The following NCALD variants were observed in gnomAD, a reference collection of about 807,000 sequenced individuals.
The protein encoded by NCALD is neurocalcin-delta.
In NCALD, 10 loss-of-function variants were observed where a neutral mutation model predicts 18.6. That is an observed-to-expected ratio of 0.54 (90% CI 0.33 to 0.91). The LOEUF (loss-of-function observed/expected upper bound fraction) is 0.91, where lower values mean the gene tolerates loss of function less well. NCALD is among the 40% of genes least tolerant of loss of function. The pLI, the probability that NCALD is intolerant of heterozygous loss-of-function variation, is 0.03. For synonymous variants in NCALD, 88 were observed against 87.4 expected (o/e 1.01, Z -0.04); for missense variants, 184 against 247.6 (o/e 0.74, Z 1.72).
At chr8:101,860,168 A>T (rs1815481499) in intron 4 of NCALD, among the ~76,000 whole-genome samples, 1 of 152,218 alleles carries the variant, frequency 6.6e-6, no homozygotes, top group Admixed American at 6.5e-5. Context: ...CTGGACCATG[A>T]CAAATATCTT....
At chr8:101,889,625 C>T (rs992393437) in intron 3 of NCALD, among the ~76,000 whole-genome samples, 2 of 152,200 alleles carry the variant, frequency 1.3e-5, no homozygotes, top group African/African-American at 4.8e-5. Flanking sequence ...ACATGTAGCA[C>T]TCAAACATTT....
chr8:101,985,430 C>T (rs192228134), intron 2 of NCALD, among the ~76,000 whole-genome samples: 6 of 152,336 alleles, frequency 3.9e-5, no homozygotes, highest in Admixed American at 3.9e-4. Flanking sequence ...ATTTGTAATG[C>T]AGCCATAGAC....
intron 1 of NCALD, among the ~76,000 whole-genome samples, chr8:101,721,982 C>T (rs1816379302): frequency 6.6e-6 from 1 of 151,768 alleles, no homozygotes. Context: ...GCTGGTATTA[C>T]AGGTGTGTAC....
chr8:101,818,195 C>G lies in NCALD; in HGVS notation c.-20+68946G>C, dbSNP rs16868486. Among the ~76,000 whole-genome samples the G allele has an allele frequency of 5.7e-3, 870 of 152,126 alleles. 11 individuals are homozygous for G. Among genetic ancestry groups the G allele is most frequent in the African/African-American group, 0.018 (765 of 41,460 alleles). ...TCCATTCCATTATCATGCACAGGAC[C>G]TTTTCTCCATTTTTCTCAGGCTCTC... On this transcript the variant is annotated intron_variant, in intron 4 of 6. Coordinates refer to the NCALD transcript ENST00000311028.
At chr8:101,730,862 TGTAAGCACCTGTTTTA>T (rs1488314535) in intron 1 of NCALD, among the ~76,000 whole-genome samples, 4 of 152,234 alleles carry the variant, frequency 2.6e-5, no homozygotes, top group African/African-American at 9.6e-5. Context: ...GCCACTAGAC[TGTAAGCACCTGTTTTA>T]ATGGTGCTTA....
chr8:102,075,542 G>A (rs1030459462), intron 1 of NCALD, among the ~76,000 whole-genome samples: 3 of 152,036 alleles, frequency 2.0e-5, no homozygotes, highest in Admixed American at 6.5e-5. Flanking sequence ...CATCTCTTAG[G>A]GTTTTCTTTT....
At position 101,891,636 on chromosome 8, in the gene NCALD, G is replaced by A. The variant is rs534939553; in HGVS notation, c.-106-4409C>T. On this transcript the variant is annotated intron_variant, in intron 3 of 6. Transcript: ENST00000311028. The stretch of plus-strand genomic sequence containing the variant: ...CTCACTAGGGAGTGCCAGACAGTGG[G>A]CGCAGGCCAGTGGGTGCGTGCACCG... Among the ~76,000 whole-genome samples, 3 of 152,350 alleles carry A rather than the reference G, an allele frequency of 2.0e-5. No individual in the cohort carries two copies. The South Asian group carries it at 6.2e-4, about 32-fold the overall frequency.
chr8:101,781,397 A>G (rs1277589184), intron 1 of NCALD, among the ~76,000 whole-genome samples: 1 of 152,142 alleles, frequency 6.6e-6, no homozygotes, highest in Non-Finnish European at 1.5e-5. Context: ...AGGGCTCACC[A>G]AGGGTTCCCT....
At chr8:102,093,978 C>T (rs1230513189) in intron 1 of NCALD, among the ~76,000 whole-genome samples, 1 of 152,148 alleles carries the variant, frequency 6.6e-6, no homozygotes, top group African/African-American at 2.4e-5. Context: ...TAATCAATTC[C>T]AGTCACATCC....
Position 101,697,183 on chromosome 8 carries a change from G to A in NCALD, c.379-4287C>T, listed in dbSNP as rs553795639. 1.5e-4 allele frequency among the ~76,000 whole-genome samples: 22 copies of A among 150,896 alleles called. No individual in the cohort carries two copies. In the East Asian group the frequency reaches 4.1e-3, roughly 28 times the overall value. On this transcript the variant is annotated intron_variant, in intron 2 of 3. Coordinates refer to ENST00000220931, the MANE Select transcript of NCALD (RefSeq NM_032041.3). ...TATAAACATCTCTATGCAAATAAAC[G>A]GGAAAATCTAGAAGAAATGTATAAA...
chr8:102,037,258 T>C (rs759866401), intron 1 of NCALD, among the ~76,000 whole-genome samples: 26 of 152,150 alleles, frequency 1.7e-4, no homozygotes, highest in Non-Finnish European at 2.1e-4. Context: ...TTTACAGAGA[T>C]AAAAGAAAGG....
Position 101,703,569 on chromosome 8 carries a change from T to C in NCALD, c.379-10673A>G, listed in dbSNP as rs116849265. The stretch of plus-strand genomic sequence containing the variant: ...ACAACAGTTTACCAGACGCTGGGAA[T>C]TGGGCAACGAAGGACAGTGATCCCT... On this transcript the variant is annotated intron_variant, in intron 2 of 3. Transcript: ENST00000220931. Among the ~76,000 whole-genome samples, 584 of 152,248 alleles carry C rather than the reference T, an allele frequency of 3.8e-3. 5 individuals carry two copies. The East Asian group carries it at 0.055, about 14-fold the overall frequency.
intron 4 of NCALD, among the ~76,000 whole-genome samples, chr8:101,812,292 T>C (rs1370598497): frequency 4.6e-5 from 7 of 151,914 alleles, no homozygotes; most frequent in Non-Finnish European, 7.4e-5. Flanking sequence ...AAGCAGTCTA[T>C]GAATCAAGCT....
At chr8:102,062,332 G>A (rs1823874810) in intron 1 of NCALD, among the ~76,000 whole-genome samples, 1 of 152,176 alleles carries the variant, frequency 6.6e-6, no homozygotes, top group Non-Finnish European at 1.5e-5. Context: ...CAGAGTAGAG[G>A]TAGTCCGCCT....
chr8:101,820,364 TTTTA>T (rs1288397279), intron 4 of NCALD, among the ~76,000 whole-genome samples: 2 of 152,228 alleles, frequency 1.3e-5, no homozygotes, highest in East Asian at 1.9e-4. Flanking sequence ...TTAAATATAT[TTTTA>T]TTTGTTAAAT....
At chr8:101,779,742 T>G (rs987608303) in intron 1 of NCALD, among the ~76,000 whole-genome samples, 2 of 152,314 alleles carry the variant, frequency 1.3e-5, no homozygotes, top group East Asian at 1.9e-4. Context: ...ACCAAGGGTA[T>G]TTTTGTTTGA....
At chr8:101,874,861 A>C (rs1322810811) in intron 4 of NCALD, among the ~76,000 whole-genome samples, 4 of 152,084 alleles carry the variant, frequency 2.6e-5, no homozygotes, top group Admixed American at 6.5e-5. Flanking sequence ...TCCTCTTCCT[A>C]AGTAGAACAG....
chr8:101,769,015 C>G (rs1207013230), intron 1 of NCALD, among the ~76,000 whole-genome samples: 1 of 152,014 alleles, frequency 6.6e-6, no homozygotes, highest in African/African-American at 2.4e-5. Flanking sequence ...GCTTTGGAGT[C>G]AGAGGTGAGG....
chr8:102,039,070 A>T (rs1189947598), intron 1 of NCALD, among the ~76,000 whole-genome samples: 1 of 152,178 alleles, frequency 6.6e-6, no homozygotes, highest in East Asian at 1.9e-4. Flanking sequence ...AACTTCAAGG[A>T]AATGAATTCT....
Sources: allele counts gnomAD v4.1 joint callset (sites outside exome capture counted in the v4.1 genomes callset), GRCh38; gene constraint gnomAD v4.1.1; transcripts MANE v1.5; gene names NCBI Gene and HGNC (gene_info 2026-07-23, HGNC 2026-07-21).